Variants in TRDMT1 observed in about 807,000 individuals in gnomAD.
TRDMT1 encodes tRNA aspartic acid methyltransferase 1.
In TRDMT1, 49 loss-of-function variants were observed where a neutral mutation model predicts 51.2. The observed-to-expected ratio is 0.96, with a 90% CI of 0.76 to 1.21. TRDMT1 has a LOEUF of 1.21. Ranked by LOEUF, TRDMT1 falls within the 50% of genes most tolerant of loss-of-function variation. The probability of loss-of-function intolerance (pLI) is 0.00; values close to 1 mark genes in which losing one functional copy is unlikely to be tolerated. For synonymous variants in TRDMT1, 187 were observed against 164.6 expected (o/e 1.14, Z -1.04); for missense variants, 534 against 462.3 (o/e 1.16, Z -1.42).
At chr10:17,172,983 A>G (rs542081067) in intron 2 of TRDMT1, among the ~76,000 whole-genome samples, 2 of 152,298 alleles carry the variant, frequency 1.3e-5, no homozygotes, top group East Asian at 3.9e-4. Flanking sequence ...AAACAAAGAT[A>G]GATATAGATA....
chr10:17,152,085 T>C (rs1400028529), intron 10 of TRDMT1: 10 of 1,301,062 alleles, frequency 7.7e-6, no homozygotes, highest in Admixed American at 2.3e-5. Context: ...TTCAAGAGTA[T>C]GTCTGATTGC....
rs1043656187 is a variant in TRDMT1 at position 17,153,352 on chromosome 10, G to A, written c.1075+155C>T. 33 of 834,186 alleles carry A rather than the reference G, an allele frequency of 4.0e-5. No individual in the cohort carries two copies. The African/African-American group carries it at 5.2e-4, about 13-fold the overall frequency. 51.7% of individuals were successfully genotyped at this position (834,186 alleles called of 1,614,324 possible). A position where few individuals can be genotyped will look rare whatever the true frequency, so the allele number is the denominator to read the frequency against. ...GAACCGAATGAGGCAGTTATGAGGG[G>A]AAAGAGGGCAGAAAGATGCCATAAA... On this transcript the variant is annotated intron_variant, in intron 10 of 10. Transcript: ENST00000377799.
At chr10:17,191,426 C>T (rs1277587251) in intron 1 of TRDMT1, among the ~76,000 whole-genome samples, 1 of 152,162 alleles carries the variant, frequency 6.6e-6, no homozygotes, top group African/African-American at 2.4e-5. Flanking sequence ...GTAGCTCAGG[C>T]CAAGCTTAGC....
chr10:17,189,822 G>A (rs1844446641), intron 1 of TRDMT1, among the ~76,000 whole-genome samples: 1 of 152,030 alleles, frequency 6.6e-6, no homozygotes, highest in African/African-American at 2.4e-5. Context: ...CTCTAATGAA[G>A]GCATCTGCCA....
chr10:17,175,723 C>T (rs906566533), intron 1 of TRDMT1, among the ~76,000 whole-genome samples: 4 of 150,156 alleles, frequency 2.7e-5, no homozygotes, highest in Non-Finnish European at 5.9e-5. Context: ...ATGCAGCAGG[C>T]ACCCGGAAAT....
At chr10:17,176,771 TCTTAA>T (rs1202447969) in intron 1 of TRDMT1, among the ~76,000 whole-genome samples, 2 of 152,198 alleles carry the variant, frequency 1.3e-5, no homozygotes, top group African/African-American at 4.8e-5. Context: ...TCTGTCAAAA[TCTTAA>T]CTTGAATTCC....
At position 17,147,827 on chromosome 10, in the gene TRDMT1, G is replaced by T. The variant is rs1838257060; in HGVS notation, c.*1213C>A. ...TGCTTTCAATTCTTTTGGATCTATA[G>T]CCAGAGGTGGAATCGCTGAATCATA... On this transcript the variant is annotated 3_prime_UTR_variant, in exon 11 of 11. Transcript: ENST00000377799. 4.6e-6 allele frequency: 1 copy of T among 219,128 alleles called. No homozygotes were observed. Among genetic ancestry groups the T allele is most frequent in the Non-Finnish European group, 7.7e-6 (1 of 129,414 alleles). 13.6% of individuals were successfully genotyped at this position (219,128 alleles called of 1,614,324 possible).
intron 8 of TRDMT1, among the ~76,000 whole-genome samples, chr10:17,155,821 G>A (rs866593326): frequency 2.0e-5 from 3 of 152,036 alleles, no homozygotes; most frequent in Non-Finnish European, 4.4e-5. Context: ...ATATAAATAC[G>A]TGTGTATATA....
intron 1 of TRDMT1, among the ~76,000 whole-genome samples, chr10:17,179,444 AG>A (rs1185797886): frequency 6.6e-6 from 1 of 152,186 alleles, no homozygotes; most frequent in Non-Finnish European, 1.5e-5. Flanking sequence ...ACGAACGCCT[AG>A]GATACAGTAA....
Position 17,157,470 on chromosome 10 carries a change from A to C in TRDMT1, c.858T>G (p.Thr286=), listed in dbSNP as rs747968541. The change falls in exon 8 of 11, where the codon ACT becomes ACG. Residue 286 remains threonine (T), a synonymous_variant. Transcript: ENST00000377799. ...TGGTAAAGCACACGGACCTTCTACA[A>C]GTGGGCTGAACAATGTCTAACAGAA... ...YALLLDIVQP[T]CRRSVCFTKG... is the part of the protein sequence containing the mutation. 3.1e-6 allele frequency: 5 copies of C among 1,610,918 alleles called. No homozygotes were observed. The highest frequency in any genetic ancestry group is 3.4e-6 in the Non-Finnish European group (4 of 1,177,290).
At chr10:17,167,551 A>T (rs1841381891) in intron 3 of TRDMT1, among the ~76,000 whole-genome samples, 1 of 152,192 alleles carries the variant, frequency 6.6e-6, no homozygotes. Context: ...TACTCTTATT[A>T]AAAATATCTA....
At position 17,148,467 on chromosome 10, in the gene TRDMT1, G is replaced by C. The variant is rs1157908743; in HGVS notation, c.*573C>G. 1 of 985,320 alleles carries C rather than the reference G, an allele frequency of 1.0e-6. No homozygotes were observed. The highest frequency in any genetic ancestry group is 1.2e-6 in the Non-Finnish European group (1 of 829,938). 61.0% of individuals were successfully genotyped at this position (985,320 alleles called of 1,614,324 possible). On this transcript the variant is annotated 3_prime_UTR_variant, in exon 11 of 11. Coordinates refer to ENST00000377799, the MANE Select transcript of TRDMT1 (RefSeq NM_004412.7). ...ACAGTTTCTGTGGCCGCTTCATGGAGAGGTAATCAAACATTTAGGATTATT... is the reference window on the plus strand; with the variant it reads ...ACAGTTTCTGTGGCCGCTTCATGGACAGGTAATCAAACATTTAGGATTATT...
rs1442687077 is a variant in TRDMT1 at position 17,143,376 on chromosome 10, G to GT, written c.*5663dup. On this transcript the variant is annotated 3_prime_UTR_variant, in exon 11 of 11. Transcript: ENST00000377799. The stretch of plus-strand genomic sequence containing the variant: ...ATTTTCCATTTTTAAAACTCAGATC[G>GT]TAACAGCTATTCAGCTTATTGTCTA... 62 of 985,250 alleles carry GT rather than the reference G, an allele frequency of 6.3e-5. No individual in the cohort carries two copies. Among genetic ancestry groups the GT allele is most frequent in the Non-Finnish European group, 7.3e-5 (61 of 829,932 alleles). The allele number at this position is 985,250 out of a possible 1,614,324, so 61.0% of individuals were successfully genotyped here.
chr10:17,186,942 G>C (rs1844014685), intron 1 of TRDMT1, among the ~76,000 whole-genome samples: 1 of 152,110 alleles, frequency 6.6e-6, no homozygotes. Flanking sequence ...TAATGTTCAT[G>C]GTCACATTAG....
In TRDMT1 at chr10:17,147,362, T is replaced by A; in HGVS notation, c.*1678A>T. On this transcript the variant is annotated 3_prime_UTR_variant, in exon 11 of 11. Transcript: ENST00000377799. The stretch of plus-strand genomic sequence containing the variant: ...TATTTATCTATGAGTTCTGAAAAAT[T>A]GGTAATAGAGTATGATTTTTTCAAT... 1 of 984,750 alleles carries A rather than the reference T, an allele frequency of 1.0e-6. No homozygotes were observed. Among genetic ancestry groups the A allele is most frequent in the Non-Finnish European group, 1.2e-6 (1 of 829,330 alleles). 61.0% of individuals were successfully genotyped at this position (984,750 alleles called of 1,614,324 possible). A position where few individuals can be genotyped will look rare whatever the true frequency, so the allele number is the denominator to read the frequency against.
intron 1 of TRDMT1, among the ~76,000 whole-genome samples, chr10:17,177,438 G>A (rs1354986574): frequency 6.6e-6 from 1 of 152,034 alleles, no homozygotes; most frequent in Non-Finnish European, 1.5e-5. Flanking sequence ...CTAACCTCAA[G>A]TGATCTGCCT....
At position 17,137,920 on chromosome 10, in the gene TRDMT1, G is replaced by A. The variant is rs1364307648; in HGVS notation, c.*11120C>T. On this transcript the variant is annotated 3_prime_UTR_variant, in exon 11 of 11. Transcript: ENST00000377799. ...CTGGGTAAAGGAAGAGACATCGACAGAAGGCCTTAAGTGGCAGGTTAAAGA... is the reference window on the plus strand; with the variant it reads ...CTGGGTAAAGGAAGAGACATCGACAAAAGGCCTTAAGTGGCAGGTTAAAGA... 6.6e-6 allele frequency among the ~76,000 whole-genome samples: 1 copy of A among 152,084 alleles called. No individual in the cohort carries two copies. The highest frequency in any genetic ancestry group is 1.5e-5 in the Non-Finnish European group (1 of 68,020).
At chr10:17,164,497 T>G (rs536117327) in intron 3 of TRDMT1, among the ~76,000 whole-genome samples, 1 of 152,110 alleles carries the variant, frequency 6.6e-6, no homozygotes. Context: ...CTATTCAACA[T>G]AGTGTTGGAA....
Position 17,145,075 on chromosome 10 carries a change from C to A in TRDMT1, c.*3965G>T. 1 of 701,818 alleles carries A rather than the reference C, an allele frequency of 1.4e-6. No homozygotes were observed. The highest frequency in any genetic ancestry group is 1.3e-4 in the East Asian group (1 of 7,466). The allele number at this position is 701,818 out of a possible 1,614,324, so 43.5% of individuals were successfully genotyped here. On this transcript the variant is annotated 3_prime_UTR_variant, in exon 11 of 11. Transcript: ENST00000377799. ...GACCAGCCTGGCCAACATGGTGAAA[C>A]CCGATCTCTACTAATACAAAAATTA...
Sources: gnomAD v4.1 joint callset for allele counts (sites outside exome capture counted in the v4.1 genomes callset) on GRCh38, gnomAD v4.1.1 for gene constraint, MANE v1.5 for transcripts, NCBI Gene and HGNC (gene_info 2026-07-23, HGNC 2026-07-21) for gene names.